The following PELI2 variants were observed in gnomAD, a reference collection of about 807,000 sequenced individuals.
PELI2 encodes E3 ubiquitin-protein ligase pellino homolog 2.
Under a neutral mutation model 42.3 loss-of-function variants are expected in PELI2, and 23 were observed. The observed-to-expected ratio is 0.54, with a 90% confidence interval of 0.39 to 0.77. The LOEUF is 0.77. PELI2 is among the 30% of genes least tolerant of loss of function. PELI2 has a pLI of 0.00. For missense variants in PELI2, 463 were observed against 553.2 expected (o/e 0.84, Z 1.64); for synonymous variants, 245 against 212.2 (o/e 1.15, Z -1.34).
intron 2 of PELI2, among the ~76,000 whole-genome samples, chr14:56,265,667 T>A (rs1888877486): frequency 6.6e-6 from 1 of 152,024 alleles, no homozygotes; most frequent in Non-Finnish European, 1.5e-5. Flanking sequence ...AAAGACAAGG[T>A]ACACAGACGG....
rs1363525064 is a variant in PELI2, at chr14:56,218,706, T to TGC, written c.207+40243_207+40244insCG. ...GTGCATGCACGCACATGTGTGCGTG[T>TGC]GTGTGTGTGTGTGTGTGTGTTTGAG... On this transcript the variant is annotated intron_variant, in intron 2 of 5. Coordinates refer to ENST00000267460, the MANE Select transcript of PELI2 (RefSeq NM_021255.3). 8.0e-5 allele frequency among the ~76,000 whole-genome samples: 12 copies of TGC among 149,850 alleles called. No homozygotes were observed. In the East Asian group the frequency reaches 1.4e-3, roughly 17 times the overall value.
rs539239443 is a variant in PELI2 at position 56,231,824 on chromosome 14, G to T, written c.208-47852G>T. On this transcript the variant is annotated intron_variant, in intron 2 of 5. Coordinates refer to ENST00000267460, the MANE Select transcript of PELI2 (RefSeq NM_021255.3). ...AATAAATCAGTGAATCCAGGAGCTG[G>T]TTTTTTGAAAAGATCAACAAAATTG... Among the ~76,000 whole-genome samples the T allele has an allele frequency of 2.6e-5, 4 of 152,236 alleles. No individual in the cohort carries two copies. In the South Asian group the frequency reaches 8.3e-4, roughly 32 times the overall value.
At chr14:56,213,953 G>T (rs1441006020) in intron 2 of PELI2, among the ~76,000 whole-genome samples, 1 of 152,126 alleles carries the variant, frequency 6.6e-6, no homozygotes, top group Non-Finnish European at 1.5e-5. Context: ...CCAGGTTCAG[G>T]TGATTCTCCC....
At chr14:56,167,190 G>C (rs1226778613) in intron 1 of PELI2, among the ~76,000 whole-genome samples, 1 of 152,130 alleles carries the variant, frequency 6.6e-6, no homozygotes, top group Non-Finnish European at 1.5e-5. Flanking sequence ...TAATCTTCTT[G>C]TAGTTGGATA....
In PELI2 at chr14:56,273,583, A is replaced by G. The variant is rs1422793258; in HGVS notation, c.208-6093A>G. On this transcript the variant is annotated intron_variant, in intron 2 of 5. Coordinates refer to ENST00000267460, the MANE Select transcript of PELI2 (RefSeq NM_021255.3). The surrounding 1 kb of genome is among the most constrained non-coding windows in gnomAD (Gnocchi z 4.3). ...GAGGAGAAAAAGTGAAATGTTACAC[A>G]TTGTTTTGCATTTGATTTTTGCCTT... Among the ~76,000 whole-genome samples the G allele has an allele frequency of 1.3e-5, 2 of 152,220 alleles. No individual in the cohort carries two copies. The highest frequency in any genetic ancestry group is 6.5e-5 in the Admixed American group (1 of 15,282).
intron 5 of PELI2, among the ~76,000 whole-genome samples, chr14:56,294,785 C>G (rs1053209441): frequency 2.6e-4 from 39 of 152,172 alleles, no homozygotes; most frequent in African/African-American, 9.2e-4. Flanking sequence ...CTCTGCACAC[C>G]CTCACATTCA....
intron 2 of PELI2, among the ~76,000 whole-genome samples, chr14:56,232,860 C>G (rs990654227): frequency 1.3e-4 from 19 of 151,924 alleles, no homozygotes; most frequent in African/African-American, 4.3e-4. Flanking sequence ...TTAGAAAACC[C>G]TATCATCTCA....
chr14:56,243,305 T>G (rs1265798354), intron 2 of PELI2, among the ~76,000 whole-genome samples: 3 of 152,148 alleles, frequency 2.0e-5, no homozygotes, highest in African/African-American at 7.2e-5. Flanking sequence ...TGTTGACATC[T>G]CTAAGCAGAT....
At chr14:56,121,305 T>TA (rs1883050791) in intron 1 of PELI2, among the ~76,000 whole-genome samples, 1 of 152,210 alleles carries the variant, frequency 6.6e-6, no homozygotes, top group East Asian at 1.9e-4. Context: ...AGTGAAACAT[T>TA]ACTAGGAAAT....
chr14:56,187,171 C>G (rs1459726325), intron 2 of PELI2, among the ~76,000 whole-genome samples: 1 of 152,182 alleles, frequency 6.6e-6, no homozygotes, highest in African/African-American at 2.4e-5. Flanking sequence ...AGAAAATATT[C>G]TGAAGGATAA....
chr14:56,284,463 C>T (rs1889582732), intron 3 of PELI2, among the ~76,000 whole-genome samples: 1 of 152,060 alleles, frequency 6.6e-6, no homozygotes, highest in Non-Finnish European at 1.5e-5. Context: ...GTTCAGGGGC[C>T]CTTTCTCTCA....
chr14:56,185,629 A>C (rs1170793525), intron 2 of PELI2, among the ~76,000 whole-genome samples: 4 of 152,230 alleles, frequency 2.6e-5, no homozygotes, highest in African/African-American at 9.7e-5. Context: ...TGTCCACTGA[A>C]TACTTCAAGA....
chr14:56,266,301 A>C (rs907280109), intron 2 of PELI2, among the ~76,000 whole-genome samples: 1 of 152,010 alleles, frequency 6.6e-6, no homozygotes, highest in South Asian at 2.1e-4. Flanking sequence ...TGGCAAAAAA[A>C]CCCACAACAC....
intron 2 of PELI2, among the ~76,000 whole-genome samples, chr14:56,235,636 A>C (rs7153057): frequency 0.91 from 138,143 of 152,314 alleles, 62,926 homozygotes; most frequent in Middle Eastern, 0.95. Flanking sequence ...CCATCCAGGG[A>C]TATAGTGGTA....
intron 3 of PELI2, among the ~76,000 whole-genome samples, chr14:56,285,676 A>T (rs889728492): frequency 6.6e-6 from 1 of 152,134 alleles, no homozygotes; most frequent in Non-Finnish European, 1.5e-5. Flanking sequence ...GAATCTTAGC[A>T]TGCGTGGTTT....
chr14:56,213,517 T>C (rs1886785033), intron 2 of PELI2, among the ~76,000 whole-genome samples: 1 of 152,190 alleles, frequency 6.6e-6, no homozygotes, highest in Admixed American at 6.5e-5. Context: ...GCCAGATTGC[T>C]GAGAATAAGT....
At chr14:56,172,365 T>C (rs1885209750) in intron 1 of PELI2, among the ~76,000 whole-genome samples, 1 of 152,156 alleles carries the variant, frequency 6.6e-6, no homozygotes, top group South Asian at 2.1e-4. Context: ...GTAGTCGGCT[T>C]TTCACACTGG....
At chr14:56,280,171 C>A (rs1030128422) in intron 3 of PELI2, among the ~76,000 whole-genome samples, 1 of 151,984 alleles carries the variant, frequency 6.6e-6, no homozygotes, top group African/African-American at 2.4e-5. Context: ...ACTGACAAGA[C>A]GAGGCCAACA....
chr14:56,252,639 G>C (rs1205703819), intron 2 of PELI2, among the ~76,000 whole-genome samples: 1 of 152,114 alleles, frequency 6.6e-6, no homozygotes, highest in Non-Finnish European at 1.5e-5. Flanking sequence ...TTGCAAGAGA[G>C]AGGAGATAGA....
Sources: gnomAD v4.1 joint callset for allele counts (sites outside exome capture counted in the v4.1 genomes callset) on GRCh38, gnomAD v4.1.1 for gene constraint, Gnocchi (gnomAD v3.1) non-coding constraint, MANE v1.5 for transcripts, NCBI Gene and HGNC (gene_info 2026-07-23, HGNC 2026-07-21) for gene names.